The following VWA3B variants were observed in gnomAD, a reference collection of about 807,000 sequenced individuals.
VWA3B encodes the protein von Willebrand factor A domain containing 3B.
Under a neutral mutation model 158.3 loss-of-function variants are expected in VWA3B, and 138 were observed. The ratio of observed to expected loss-of-function variants is 0.87; its 90% CI spans 0.76 to 1.00. VWA3B has a LOEUF of 1.00. Among genes scored for constraint, VWA3B ranks in the 50% least tolerant of loss-of-function variants. The pLI is 0.00. For missense variants in VWA3B, 1,555 were observed against 1,565.1 expected (o/e 0.99, Z 0.11); for synonymous variants, 596 against 587.3 (o/e 1.01, Z -0.21).
At chr2:98,182,053 T>A (rs1680629578) in intron 9 of VWA3B, among the ~76,000 whole-genome samples, 1 of 152,216 alleles carries the variant, frequency 6.6e-6, no homozygotes, top group African/African-American at 2.4e-5. Flanking sequence ...AAAGGCAGGC[T>A]CTTTCAGGAG....
chr2:98,300,627 G>T (rs1009642528), intron 25 of VWA3B, among the ~76,000 whole-genome samples: 1 of 151,866 alleles, frequency 6.6e-6, no homozygotes, highest in Non-Finnish European at 1.5e-5. Flanking sequence ...CTGGGCCACC[G>T]CTAGTGCTGT....
chr2:98,096,179 A>C (rs1246267742), intron 2 of VWA3B, among the ~76,000 whole-genome samples: 2 of 152,182 alleles, frequency 1.3e-5, no homozygotes, highest in Non-Finnish European at 2.9e-5. Flanking sequence ...TTTTGGGAAG[A>C]GTTTGAGAAG....
At chr2:98,136,389 G>A (rs1400316916) in intron 7 of VWA3B, among the ~76,000 whole-genome samples, 2 of 152,024 alleles carry the variant, frequency 1.3e-5, no homozygotes, top group Non-Finnish European at 2.9e-5. Context: ...GTCTATGTCT[G>A]TTCATGCTGC....
chr2:98,249,545 G>A (rs1192615052), intron 19 of VWA3B, among the ~76,000 whole-genome samples: 1 of 152,132 alleles, frequency 6.6e-6, no homozygotes, highest in Non-Finnish European at 1.5e-5. Flanking sequence ...AATTGAAAGG[G>A]TCCCCCCAAA....
At chr2:98,273,897 G>A (rs1688362702) in intron 22 of VWA3B, among the ~76,000 whole-genome samples, 1 of 152,306 alleles carries the variant, frequency 6.6e-6, no homozygotes, top group South Asian at 2.1e-4. Flanking sequence ...GTGATTCAGA[G>A]CAGAGATAAT....
chr2:98,194,082 AT>A (rs1469464143), intron 11 of VWA3B, among the ~76,000 whole-genome samples: 8 of 152,208 alleles, frequency 5.3e-5, no homozygotes, highest in African/African-American at 1.9e-4. Flanking sequence ...TCAATATTTA[AT>A]GTCACATTAT....
intron 14 of VWA3B, among the ~76,000 whole-genome samples, chr2:98,223,827 C>CTCCTGTGA (rs1347751644): frequency 6.6e-6 from 1 of 152,124 alleles, no homozygotes; most frequent in Non-Finnish European, 1.5e-5. Flanking sequence ...AACTGTTGGG[C>CTCCTGTGA]TCCTGTGATT....
At chr2:98,230,308 C>A (rs1012200575) in intron 16 of VWA3B, 101 bp downstream of exon 16, 2 of 1,234,854 alleles carry the variant, frequency 1.6e-6, no homozygotes, top group African/African-American at 1.6e-5. Context: ...AAGCACTAAA[C>A]TTGTGGGTTT....
chr2:98,228,420 T>G (rs1685093250), intron 15 of VWA3B, 88 bp downstream of exon 15: 1 of 1,439,654 alleles, frequency 6.9e-7, no homozygotes, highest in South Asian at 1.6e-5. Flanking sequence ...TCTGAAATGC[T>G]CTGTGAAATT....
Position 98,119,700 on chromosome 2 carries a change from G to A in VWA3B, c.479G>A (p.Arg160Gln), listed in dbSNP as rs369289381. 89 of 1,614,006 alleles carry A rather than the reference G, an allele frequency of 5.5e-5. No individual in the cohort carries two copies. The highest frequency in any genetic ancestry group is 7.4e-5 in the Non-Finnish European group (87 of 1,180,032). Residue 160 changes from arginine (R) to glutamine (Q), a missense_variant, in exon 4 of 28, where the codon CGA becomes CAA. Physicochemically the swap from Arg to Gln is conservative, Grantham distance 43. Transcript: ENST00000477737. Reference protein sequence around the residue: ...GILEGELDLCREALTMVLQEQ... With the variant: ...GILEGELDLCQEALTMVLQEQ... ...CTGGAGGGGGAGCTTGATCTGTGCC[G>A]AGAGGCTCTAACAATGGTTCTCCAG...
intron 9 of VWA3B, among the ~76,000 whole-genome samples, chr2:98,186,092 G>A (rs1347674694): frequency 6.6e-6 from 1 of 151,658 alleles, no homozygotes; most frequent in African/African-American, 2.4e-5. Flanking sequence ...CTAAATCCAG[G>A]GGTCCATTCT....
chr2:98,165,391 G>A (rs1678982486), intron 8 of VWA3B, among the ~76,000 whole-genome samples: 1 of 152,152 alleles, frequency 6.6e-6, no homozygotes, highest in Admixed American at 6.5e-5. Context: ...CACCGGACAT[G>A]TAATCAGGAT....
intron 2 of VWA3B, among the ~76,000 whole-genome samples, chr2:98,114,882 G>T (rs1425848483): frequency 1.3e-5 from 2 of 152,108 alleles, no homozygotes; most frequent in African/African-American, 4.8e-5. Flanking sequence ...CCCAATAAGG[G>T]TTTATGCAAC....
In VWA3B at chr2:98,234,664, C is replaced by T. The variant is rs772250892; in HGVS notation, c.2325C>T (p.Ser775=). Residue 775 remains serine (S), a synonymous_variant, in exon 17 of 28, where the codon AGC becomes AGT. Transcript: ENST00000477737. ...TACCAACAGAATCAACCAAAACCAG[C>T]CTGCTCAGAAGCCAGATGTCCTCCC... The part of the protein sequence containing the change: ...KVLHAESTKT[S]LLRSQMSSLR... The T allele has an allele frequency of 5.6e-6, 9 of 1,614,190 alleles. No individual in the cohort carries two copies. The South Asian group carries it at 9.9e-5, about 18-fold the overall frequency.
At chr2:98,162,477 G>A (rs1190552436) in intron 7 of VWA3B, among the ~76,000 whole-genome samples, 1 of 152,180 alleles carries the variant, frequency 6.6e-6, no homozygotes, top group African/African-American at 2.4e-5. Flanking sequence ...AGGGGTTGTT[G>A]CTTTCACAAC....
At chr2:98,295,761 C>T (rs13402207) in intron 23 of VWA3B, among the ~76,000 whole-genome samples, 1,764 of 152,298 alleles carry the variant, frequency 0.012, 40 homozygotes, top group African/African-American at 0.04. Flanking sequence ...GTAAGGGAAG[C>T]CAAAAATTGG....
rs533914841 is a variant in VWA3B, at chr2:98,107,435, C to T, written c.197-8217C>T. Among the ~76,000 whole-genome samples, 5 of 152,010 alleles carry T rather than the reference C, an allele frequency of 3.3e-5. No homozygotes were observed. The East Asian group carries it at 7.7e-4, about 23-fold the overall frequency. On this transcript the variant is annotated intron_variant, in intron 2 of 27. Coordinates refer to ENST00000477737, the MANE Select transcript of VWA3B (RefSeq NM_144992.5). ...TATTTTTTGTTTCTTGTTGAGATAA[C>T]AAGAAACAATGTAGAATTAATATTA... is the stretch of plus-strand genomic sequence containing the variant.
intron 16 of VWA3B, among the ~76,000 whole-genome samples, chr2:98,232,410 A>G (rs1685399593): frequency 6.6e-6 from 1 of 150,936 alleles, no homozygotes; most frequent in East Asian, 1.9e-4. Flanking sequence ...TTTTCTTTCT[A>G]TTTGTTCATT....
intron 17 of VWA3B, 122 bp downstream of exon 17, chr2:98,234,889 TA>T: frequency 7.2e-7 from 1 of 1,394,984 alleles, no homozygotes; most frequent in Non-Finnish European, 9.6e-7. Context: ...GATTGCTTCC[TA>T]TTCAAAGGAA....
Sources: gnomAD v4.1 joint callset for allele counts (sites outside exome capture counted in the v4.1 genomes callset) on GRCh38, gnomAD v4.1.1 for gene constraint, MANE v1.5 for transcripts, NCBI Gene and HGNC (gene_info 2026-07-23, HGNC 2026-07-21) for gene names.